The following SGCZ variants were observed in gnomAD, a reference collection of about 807,000 sequenced individuals.
SGCZ encodes sarcoglycan zeta.
Under a neutral mutation model 41.3 loss-of-function variants are expected in SGCZ, and 40 were observed. The observed-to-expected ratio is 0.97, with a 90% CI of 0.75 to 1.26. The LOEUF is 1.26. Ranked by LOEUF, SGCZ falls within the 50% of genes most tolerant of loss-of-function variation. The pLI is 0.00. For missense variants in SGCZ, 552 were observed against 369.8 expected (o/e 1.49, Z -4.04); for synonymous variants, 206 against 137.5 (o/e 1.50, Z -3.49).
chr8:14,523,987 T>G (rs1465390445), intron 2 of SGCZ, among the ~76,000 whole-genome samples: 1 of 152,142 alleles, frequency 6.6e-6, no homozygotes, highest in Admixed American at 6.6e-5. Context: ...TGATACTTTC[T>G]TATGTACTCA....
chr8:14,444,384 T>G (rs1256442446), intron 2 of SGCZ, among the ~76,000 whole-genome samples: 2 of 152,150 alleles, frequency 1.3e-5, no homozygotes, highest in Non-Finnish European at 2.9e-5. Context: ...GCGGCACTAT[T>G]CACCATAGCA....
intron 2 of SGCZ, among the ~76,000 whole-genome samples, chr8:14,415,843 A>C (rs1444623295): frequency 6.6e-6 from 1 of 151,958 alleles, no homozygotes; most frequent in Non-Finnish European, 1.5e-5. Flanking sequence ...TTGAATACAC[A>C]TAACTTGGCC....
intron 1 of SGCZ, among the ~76,000 whole-genome samples, chr8:15,100,720 C>T (rs1014725004): frequency 7.2e-5 from 11 of 152,206 alleles, no homozygotes; most frequent in Non-Finnish European, 1.2e-4. Flanking sequence ...TGGTGGCTCA[C>T]TACTATAATC....
At chr8:14,619,456 G>A (rs201307595) in intron 1 of SGCZ, among the ~76,000 whole-genome samples, 5 of 66,756 alleles carry the variant, frequency 7.5e-5, no homozygotes, top group Non-Finnish European at 1.4e-4. Flanking sequence ...CAGGCAGGAG[G>A]AAAAAAATAA....
intron 1 of SGCZ, among the ~76,000 whole-genome samples, chr8:14,847,508 T>TTA (rs563314613): frequency 1.3e-5 from 2 of 149,158 alleles, no homozygotes; most frequent in African/African-American, 2.5e-5. Context: ...TATTAACAAG[T>TTA]AAAAAAAAAG....
intron 2 of SGCZ, among the ~76,000 whole-genome samples, chr8:14,386,956 G>C (rs1422920308): frequency 6.6e-6 from 1 of 152,178 alleles, no homozygotes; most frequent in Non-Finnish European, 1.5e-5. Context: ...GCGAAGGCTA[G>C]AATTTCATAG....
At chr8:14,890,922 A>G (rs1415727844) in intron 1 of SGCZ, among the ~76,000 whole-genome samples, 1 of 152,234 alleles carries the variant, frequency 6.6e-6, no homozygotes, top group Non-Finnish European at 1.5e-5. Context: ...CTAGAAATGG[A>G]AAAACAAAGC....
At chr8:15,163,635 G>T (rs1025418687) in intron 1 of SGCZ, among the ~76,000 whole-genome samples, 2 of 152,124 alleles carry the variant, frequency 1.3e-5, no homozygotes, top group East Asian at 1.9e-4. Flanking sequence ...GTAAATTACT[G>T]CTAAGTTTAA....
At chr8:14,188,656 T>A (rs1329765568) in intron 4 of SGCZ, among the ~76,000 whole-genome samples, 1 of 152,170 alleles carries the variant, frequency 6.6e-6, no homozygotes, top group Non-Finnish European at 1.5e-5. Context: ...TAAAAACCAC[T>A]GCATTGTACA....
intron 1 of SGCZ, among the ~76,000 whole-genome samples, chr8:14,746,972 T>C (rs574880127): frequency 7.9e-5 from 12 of 152,356 alleles, no homozygotes; most frequent in Middle Eastern, 3.4e-3. Context: ...CATTCATACC[T>C]GATACAGTTT....
chr8:14,687,487 T>G (rs1808651616), intron 1 of SGCZ, among the ~76,000 whole-genome samples: 1 of 151,810 alleles, frequency 6.6e-6, no homozygotes, highest in African/African-American at 2.4e-5. Context: ...GAATGATGAT[T>G]TCCAATTTCA....
rs1240166131 is a variant in SGCZ, at chr8:14,086,092, T to C, written c.*4351A>G. Among the ~76,000 whole-genome samples the C allele has an allele frequency of 1.3e-5, 2 of 151,724 alleles. No individual in the cohort carries two copies. Among genetic ancestry groups the C allele is most frequent in the Non-Finnish European group, 3.0e-5 (2 of 67,766 alleles). On this transcript the variant is annotated 3_prime_UTR_variant, in exon 8 of 8. Transcript: ENST00000382080. ...CATTACTGTAATATACACCAGTACATAGAGCAAATAATTTCTCCATATGTC... is the reference window on the plus strand; with the variant it reads ...CATTACTGTAATATACACCAGTACACAGAGCAAATAATTTCTCCATATGTC...
intron 3 of SGCZ, among the ~76,000 whole-genome samples, chr8:14,310,811 G>A (rs1563250003): frequency 6.6e-6 from 1 of 152,060 alleles, no homozygotes; most frequent in African/African-American, 2.4e-5. Flanking sequence ...TTTAAAATAA[G>A]GGAAATATGG....
At chr8:14,437,491 G>A (rs1368099889) in intron 2 of SGCZ, among the ~76,000 whole-genome samples, 3 of 151,796 alleles carry the variant, frequency 2.0e-5, no homozygotes, top group Non-Finnish European at 2.9e-5. Flanking sequence ...AAACAGTAAC[G>A]TTCTTCTGAG....
At chr8:14,359,184 T>C (rs1224474293) in intron 2 of SGCZ, among the ~76,000 whole-genome samples, 2 of 152,028 alleles carry the variant, frequency 1.3e-5, no homozygotes, top group East Asian at 1.9e-4. Context: ...AGATAATTTA[T>C]AATCAAACTC....
intron 5 of SGCZ, among the ~76,000 whole-genome samples, chr8:14,125,703 G>T (rs977925531): frequency 1.3e-4 from 20 of 152,186 alleles, no homozygotes; most frequent in African/African-American, 4.8e-4. Context: ...AAAGCTGGAG[G>T]CATCACACTA....
intron 2 of SGCZ, among the ~76,000 whole-genome samples, chr8:14,478,733 A>C (rs73525378): frequency 0.018 from 2,778 of 152,286 alleles, 100 homozygotes; most frequent in African/African-American, 0.063. Flanking sequence ...TATTTCCCCC[A>C]AAAAATTAAT....
intron 1 of SGCZ, among the ~76,000 whole-genome samples, chr8:15,193,903 C>G (rs894527549): frequency 1.3e-5 from 2 of 152,058 alleles, no homozygotes. Context: ...GAGCAATTGC[C>G]TTCAAATCAC....
rs190222166 is a variant in SGCZ at position 14,945,148 on chromosome 8, T to C, written c.39+292437A>G. On this transcript the variant is annotated intron_variant, in intron 1 of 7. Transcript: ENST00000382080. ...AACAGGAGCTGACATGGTTAGGCAATGTTGTGTGTGGGTGGGTGGGGGGGG... is the reference window on the plus strand; with the variant it reads ...AACAGGAGCTGACATGGTTAGGCAACGTTGTGTGTGGGTGGGTGGGGGGGG... Among the ~76,000 whole-genome samples the C allele has an allele frequency of 9.7e-3, 822 of 84,700 alleles. 5 individuals carry two copies. The highest frequency in any genetic ancestry group is 0.051 in the Middle Eastern group (5 of 98). 55.6% of individuals were successfully genotyped at this position (84,700 alleles called of 152,430 possible).
Sources: allele counts gnomAD v4.1 joint callset (sites outside exome capture counted in the v4.1 genomes callset), GRCh38; gene constraint gnomAD v4.1.1; transcripts MANE v1.5; gene names NCBI Gene and HGNC (gene_info 2026-07-23, HGNC 2026-07-21).